SLX4IP: variants seen among roughly 807,000 people sequenced by gnomAD.
SLX4IP encodes protein SLX4IP.
A neutral mutation model predicts 32.9 loss-of-function variants in SLX4IP; 34 were observed. The ratio of observed to expected loss-of-function variants is 1.03; its 90% confidence interval spans 0.79 to 1.38. The LOEUF (loss-of-function observed/expected upper bound fraction) is 1.38, where lower values mean the gene tolerates loss of function less well. SLX4IP is among the 40% of genes most tolerant of loss of function. The pLI is 0.00. For synonymous variants in SLX4IP, 172 were observed against 171.7 expected, an observed-to-expected ratio of 1.00 and a Z score of -0.01; for missense variants, 444 against 479.0, an observed-to-expected ratio of 0.93 and a Z score of 0.68.
At position 10,516,455 on chromosome 20, in the gene SLX4IP, G is replaced by A. The variant is rs534375648; in HGVS notation, c.28-39776G>A. 2.3e-3 allele frequency among the ~76,000 whole-genome samples: 357 copies of A among 152,268 alleles called. 3 individuals are homozygous for A. The highest frequency in any genetic ancestry group is 2.9e-3 in the Non-Finnish European group (196 of 68,026). ...GGTAATGAGGTTTGTCTTCTACTGA[G>A]GCTTATAAACTGAATCTTAGGCTGT... On this transcript the variant is annotated intron_variant, in intron 2 of 7. Coordinates refer to ENST00000334534, the MANE Select transcript of SLX4IP (RefSeq NM_001009608.3).
chr20:10,483,452 T>C (rs1440717495), intron 2 of SLX4IP, among the ~76,000 whole-genome samples: 1 of 152,176 alleles, frequency 6.6e-6, no homozygotes, highest in East Asian at 1.9e-4. Context: ...TAGTATGGGA[T>C]GAGTTAGTTT....
intron 6 of SLX4IP, among the ~76,000 whole-genome samples, chr20:10,621,080 G>C (rs757376210): frequency 5.9e-5 from 9 of 152,176 alleles, no homozygotes; most frequent in South Asian, 2.1e-4. Context: ...TTGCCTTACA[G>C]TTTTGTATGT....
chr20:10,465,510 T>G (rs542683253), intron 2 of SLX4IP, among the ~76,000 whole-genome samples: 16 of 152,310 alleles, frequency 1.1e-4, no homozygotes, highest in African/African-American at 3.8e-4. Flanking sequence ...TATTTATCTA[T>G]TTTTTTGAGA....
intron 2 of SLX4IP, among the ~76,000 whole-genome samples, chr20:10,482,988 G>C (rs141189191): frequency 1.2e-4 from 18 of 152,134 alleles, no homozygotes; most frequent in Admixed American, 4.6e-4. Flanking sequence ...GCCATTCACT[G>C]TTCATGTTTA....
intron 2 of SLX4IP, among the ~76,000 whole-genome samples, chr20:10,481,038 A>G (rs1196779559): frequency 4.0e-5 from 6 of 151,822 alleles, no homozygotes; most frequent in Admixed American, 2.6e-4. Context: ...CTTGAAGTAT[A>G]AAAGCTTAAC....
chr20:10,557,534 C>T (rs935866285), intron 3 of SLX4IP, among the ~76,000 whole-genome samples: 5 of 152,210 alleles, frequency 3.3e-5, no homozygotes, highest in East Asian at 1.9e-4. Context: ...AGCTTACTAA[C>T]GCATGTTGCT....
chr20:10,556,459 T>C (rs1005411742), intron 3 of SLX4IP, 139 bp downstream of exon 3: 3 of 856,992 alleles, frequency 3.5e-6, no homozygotes, highest in Non-Finnish European at 5.4e-6. Context: ...GTATTCCCAA[T>C]GACAGACACA....
At chr20:10,471,342 C>G (rs2065423344) in intron 2 of SLX4IP, among the ~76,000 whole-genome samples, 1 of 152,218 alleles carries the variant, frequency 6.6e-6, no homozygotes, top group Non-Finnish European at 1.5e-5. Context: ...TTGCCCATCC[C>G]TAACCTCAGG....
At chr20:10,489,323 C>T (rs1322585088) in intron 2 of SLX4IP, among the ~76,000 whole-genome samples, 1 of 152,162 alleles carries the variant, frequency 6.6e-6, no homozygotes, top group Non-Finnish European at 1.5e-5. Flanking sequence ...CCACCACCCC[C>T]CTCTTCACCA....
At chr20:10,493,409 G>A (rs668601) in intron 2 of SLX4IP, among the ~76,000 whole-genome samples, 59,432 of 151,820 alleles carry the variant, frequency 0.39, 11,841 homozygotes, top group Non-Finnish European at 0.43. Context: ...ACAGGATTTA[G>A]GACAATTATT....
At chr20:10,589,876 A>G (rs2066686424) in intron 4 of SLX4IP, among the ~76,000 whole-genome samples, 1 of 151,704 alleles carries the variant, frequency 6.6e-6, no homozygotes, top group Admixed American at 6.6e-5. Context: ...TTCTCTTTAC[A>G]CCTTTTTTTG....
intron 2 of SLX4IP, among the ~76,000 whole-genome samples, chr20:10,510,475 C>A (rs1296733778): frequency 2.6e-5 from 4 of 152,202 alleles, no homozygotes; most frequent in African/African-American, 9.7e-5. Context: ...CAGCGGGGAG[C>A]ACGGAGCCCT....
intron 2 of SLX4IP, among the ~76,000 whole-genome samples, chr20:10,461,936 C>G (rs544469031): frequency 6.6e-6 from 1 of 152,062 alleles, no homozygotes; most frequent in East Asian, 1.9e-4. Context: ...CACCACCACT[C>G]TCGGCTAATT....
chr20:10,482,308 G>T (rs188483928), intron 2 of SLX4IP, among the ~76,000 whole-genome samples: 2 of 152,264 alleles, frequency 1.3e-5, no homozygotes, highest in Admixed American at 1.3e-4. Flanking sequence ...TGTGCTTTTG[G>T]TAGAATCACA....
intron 6 of SLX4IP, 109 bp from the exon 7 acceptor site, chr20:10,621,205 C>G: frequency 1.0e-6 from 1 of 969,690 alleles, no homozygotes; most frequent in Non-Finnish European, 1.6e-6. Context: ...CAGTTTCATT[C>G]AGTCTTTACA....
intron 4 of SLX4IP, among the ~76,000 whole-genome samples, chr20:10,595,106 C>A (rs1279034595): frequency 6.6e-6 from 1 of 151,934 alleles, no homozygotes; most frequent in East Asian, 1.9e-4. Flanking sequence ...GCTTGGAGGC[C>A]AGGGGAGAAG....
intron 2 of SLX4IP, among the ~76,000 whole-genome samples, chr20:10,519,936 G>T (rs949446807): frequency 2.0e-5 from 3 of 152,140 alleles, no homozygotes; most frequent in Non-Finnish European, 4.4e-5. Flanking sequence ...CTCAGTTGTG[G>T]TTTTAATTTG....
In SLX4IP at chr20:10,526,485, A is replaced by G. The variant is rs568883147; in HGVS notation, c.28-29746A>G. On this transcript the variant is annotated intron_variant, in intron 2 of 7. Transcript: ENST00000334534. The stretch of plus-strand genomic sequence containing the variant: ...ACACGTGCTGGTATTTGTCTGAAAT[A>G]TGTCCTCAAGATTGCCACTCAGGTG... Among the ~76,000 whole-genome samples, 3 of 152,352 alleles carry G rather than the reference A, an allele frequency of 2.0e-5. No individual in the cohort carries two copies. In the East Asian group the frequency reaches 5.8e-4, roughly 29 times the overall value.
At chr20:10,615,649 T>C (rs1443696334) in intron 6 of SLX4IP, among the ~76,000 whole-genome samples, 1 of 152,198 alleles carries the variant, frequency 6.6e-6, no homozygotes, top group Non-Finnish European at 1.5e-5. Flanking sequence ...TTACATCATC[T>C]TAGTCCATTT....
Sources: gnomAD v4.1 joint callset for allele counts (sites outside exome capture counted in the v4.1 genomes callset) on GRCh38, gnomAD v4.1.1 for gene constraint, MANE v1.5 for transcripts, NCBI Gene and HGNC (gene_info 2026-07-23, HGNC 2026-07-21) for gene names.